The following LRRC4B variants were observed in gnomAD, a reference collection of about 807,000 sequenced individuals.
LRRC4B encodes leucine rich repeat containing 4B, also known as leucine-rich repeat-containing protein 4B.
Under a neutral mutation model 7.3 loss-of-function variants are expected in LRRC4B, and 1 was observed. That is an observed-to-expected ratio of 0.14 (90% confidence interval 0.05 to 0.65). LRRC4B has a LOEUF of 0.65. Ranked by LOEUF, LRRC4B falls within the 30% of genes least tolerant of loss-of-function variation. The pLI, the probability that LRRC4B is intolerant of heterozygous loss-of-function variation, is 0.84. For missense variants in LRRC4B, 730 were observed against 1,041.6 expected (o/e 0.70, Z 4.12); for synonymous variants, 500 against 499.2 (o/e 1.00, Z -0.02).
Position 50,543,335 on chromosome 19 carries a change from G to GGTGTGTGTGTGTGTGTGTGTGT in LRRC4B, c.297+5185_297+5206dup, listed in dbSNP as rs143123202. Among the ~76,000 whole-genome samples, 67 of 145,284 alleles carry GGTGTGTGTGTGTGTGTGTGTGT rather than the reference G, an allele frequency of 4.6e-4. 1 individual carries two copies. Among genetic ancestry groups the GGTGTGTGTGTGTGTGTGTGTGT allele is most frequent in the African/African-American group, 1.6e-3 (61 of 38,802 alleles). ...TACCAATGCTCCAGTGCCAGGCCCT[G>GGTGTGTGTGTGTGTGTGTGTGT]GTGTGTGTGTGTGTGTGTGTGTGTG... On this transcript the variant is annotated intron_variant, in intron 2 of 2. Transcript: ENST00000652263.
In LRRC4B at chr19:50,518,555, G is replaced by A. The variant is rs764599290; in HGVS notation, c.1158C>T (p.Arg386=). The change falls in exon 3 of 3, where the codon CGC becomes CGT. Residue 386 remains arginine (R), a synonymous_variant. Transcript: ENST00000652263. ...TGACGGAGGTCATGGAGGTGCCCGT[G>A]CGGCATTTGAGCTCGGCAGCCATGC... is the stretch of plus-strand genomic sequence containing the variant. ...TEGMAAELKC[R]TGTSMTSVNW... 1.3e-5 allele frequency: 21 copies of A among 1,588,790 alleles called. No individual in the cohort carries two copies. In the South Asian group the frequency reaches 2.4e-4, roughly 18 times the overall value.
At chr19:50,538,610 C>T (rs778954263) in intron 2 of LRRC4B, among the ~76,000 whole-genome samples, 67 of 126,494 alleles carry the variant, frequency 5.3e-4, no homozygotes, top group Non-Finnish European at 1.0e-3. Context: ...GCTCTGCCAC[C>T]TAGGCTGGAG....
chr19:50,523,767 G>A (rs1980683993), intron 2 of LRRC4B, among the ~76,000 whole-genome samples: 1 of 152,062 alleles, frequency 6.6e-6, no homozygotes, highest in African/African-American at 2.4e-5. Context: ...AGACCAGCTT[G>A]GCCAACATGG....
chr19:50,542,668 G>T lies in LRRC4B; in HGVS notation c.297+5874C>A, dbSNP rs368866203. 1.6e-4 allele frequency among the ~76,000 whole-genome samples: 24 copies of T among 151,916 alleles called. No individual in the cohort carries two copies. In the East Asian group the frequency reaches 4.5e-3, roughly 28 times the overall value. ...ATTTTGGTATTTTTAGTAGAGATGG[G>T]GTTTCACCATGTTGGCCAGGCTGGT... On this transcript the variant is annotated intron_variant, in intron 2 of 2. Coordinates refer to ENST00000652263, the MANE Select transcript of LRRC4B (RefSeq NM_001080457.2).
At chr19:50,561,265 A>G (rs1381764521) in intron 1 of LRRC4B, among the ~76,000 whole-genome samples, 1 of 151,830 alleles carries the variant, frequency 6.6e-6, no homozygotes, top group Admixed American at 6.6e-5. Flanking sequence ...CCATGGGATC[A>G]CATTTGGGGT....
At chr19:50,523,111 G>A (rs367597564) in intron 2 of LRRC4B, among the ~76,000 whole-genome samples, 118 of 152,288 alleles carry the variant, frequency 7.7e-4, no homozygotes, top group African/African-American at 2.6e-3. Context: ...TCCACGGGAG[G>A]GGCAGTGCTG....
intron 2 of LRRC4B, among the ~76,000 whole-genome samples, chr19:50,528,027 C>A (rs1980894606): frequency 6.6e-6 from 1 of 152,074 alleles, no homozygotes; most frequent in Non-Finnish European, 1.5e-5. Context: ...AGGCGTGAGC[C>A]ACCGTGCCTG....
intron 2 of LRRC4B, among the ~76,000 whole-genome samples, chr19:50,535,030 A>G (rs1259151542): frequency 3.3e-5 from 5 of 150,520 alleles, no homozygotes; most frequent in South Asian, 2.1e-4. Context: ...CACCACACCC[A>G]GCTAATTGTT....
intron 1 of LRRC4B, among the ~76,000 whole-genome samples, chr19:50,562,894 C>A (rs1982518050): frequency 6.6e-6 from 1 of 152,056 alleles, no homozygotes; most frequent in African/African-American, 2.4e-5. Context: ...ACTCACACCA[C>A]CACACCTGGC....
At position 50,550,468 on chromosome 19, in the gene LRRC4B, TCTCACGGTGGACTCTCAGGACC is replaced by T. The variant is rs1982007860; in HGVS notation, c.-35-1617_-35-1596del. Among the ~76,000 whole-genome samples, 5 of 92,196 alleles carry T rather than the reference TCTCACGGTGGACTCTCAGGACC, an allele frequency of 5.4e-5. No individual in the cohort carries two copies. The Admixed American group carries it at 6.4e-4, about 12-fold the overall frequency. The allele number at this position is 92,196 out of a possible 152,430, so 60.5% of individuals were successfully genotyped here. Reference sequence around the variant, plus strand: ...TCACGGTGGACTCTCAGGACCCCCCTCTCACGGTGGACTCTCAGGACCCCCGACACAGGCTCACCCCCAGGCA... The same window carrying T: ...TCACGGTGGACTCTCAGGACCCCCCTCCCGACACAGGCTCACCCCCAGGCA... On this transcript the variant is annotated intron_variant, in intron 1 of 2. Coordinates refer to ENST00000652263, the MANE Select transcript of LRRC4B (RefSeq NM_001080457.2).
chr19:50,555,413 A>C lies in LRRC4B; in HGVS notation c.-35-6540T>G, dbSNP rs988798555. ...CCTCACCTGGTGCAAGGAACAAGCC[A>C]GAGGTGCAGACACAGAAGGACCCCA... On this transcript the variant is annotated intron_variant, in intron 1 of 2. Transcript: ENST00000652263. This position sits in a 1 kb window ranked among gnomAD's most constrained non-coding sequence, Gnocchi z 5.2. 1.3e-5 allele frequency: 2 copies of C among 152,866 alleles called. No individual in the cohort carries two copies. The highest frequency in any genetic ancestry group is 2.9e-5 in the Non-Finnish European group (2 of 68,518). 9.5% of individuals were successfully genotyped at this position (152,866 alleles called of 1,614,324 possible).
chr19:50,560,558 TCTC>T (rs1448339918), intron 1 of LRRC4B, among the ~76,000 whole-genome samples: 3 of 152,196 alleles, frequency 2.0e-5, no homozygotes, highest in African/African-American at 7.2e-5. Context: ...AGATCCTCCT[TCTC>T]CTCGTCTACC....
chr19:50,535,297 T>C (rs935098319), intron 2 of LRRC4B, among the ~76,000 whole-genome samples: 3 of 152,192 alleles, frequency 2.0e-5, no homozygotes, highest in African/African-American at 7.2e-5. Context: ...CTTAGCCTCC[T>C]GAGTAGCTGG....
chr19:50,520,057 T>A (rs975568814), intron 2 of LRRC4B, among the ~76,000 whole-genome samples: 4 of 149,312 alleles, frequency 2.7e-5, no homozygotes, highest in African/African-American at 9.9e-5. Context: ...ATAAAATAAA[T>A]TAGCCAGGCG....
rs1160724192 is a variant in LRRC4B at position 50,548,214 on chromosome 19, G to A, written c.297+328C>T. Among the ~76,000 whole-genome samples the A allele has an allele frequency of 6.6e-6, 1 of 152,192 alleles. No homozygotes were observed. The highest frequency in any genetic ancestry group is 1.5e-5 in the Non-Finnish European group (1 of 68,014). Reference sequence around the variant, plus strand: ...AGATGCCACAGGGGTCCCTGTGAAAGGGTTGCTCTCCACACCCCAGGGACT... The same window carrying A: ...AGATGCCACAGGGGTCCCTGTGAAAAGGTTGCTCTCCACACCCCAGGGACT... On this transcript the variant is annotated intron_variant, in intron 2 of 2. Coordinates refer to ENST00000652263, the MANE Select transcript of LRRC4B (RefSeq NM_001080457.2). The surrounding 1 kb of genome is among the most constrained non-coding windows in gnomAD (Gnocchi z 6.8).
intron 2 of LRRC4B, among the ~76,000 whole-genome samples, chr19:50,539,129 T>C (rs994212232): frequency 2.0e-5 from 3 of 152,040 alleles, no homozygotes; most frequent in African/African-American, 4.8e-5. Flanking sequence ...CCACCTGCCT[T>C]GGCTTCCCAA....
intron 1 of LRRC4B, among the ~76,000 whole-genome samples, chr19:50,549,135 T>C (rs1981946084): frequency 6.6e-6 from 1 of 152,096 alleles, no homozygotes; most frequent in Admixed American, 6.5e-5. Flanking sequence ...CAGGGAAAAC[T>C]GAGGCTGGGG....
intron 2 of LRRC4B, among the ~76,000 whole-genome samples, chr19:50,527,751 T>C (rs1980881786): frequency 1.9e-5 from 2 of 103,994 alleles, no homozygotes; most frequent in Admixed American, 2.4e-4. Context: ...TTTTCTTTTT[T>C]TCTTTTTTTT....
rs533393168 is a variant in LRRC4B, at chr19:50,563,173, C to T, written c.-36+4771G>A. Among the ~76,000 whole-genome samples the T allele has an allele frequency of 2.9e-4, 44 of 152,306 alleles. No individual in the cohort carries two copies. In the South Asian group the frequency reaches 8.7e-3, roughly 30 times the overall value. ...CCTGCCTCCCGCAGTGAGCCCCCATCAGCCCCTCTCGTGGGTCTCCAAGGC... is the reference window on the plus strand; with the variant it reads ...CCTGCCTCCCGCAGTGAGCCCCCATTAGCCCCTCTCGTGGGTCTCCAAGGC... On this transcript the variant is annotated intron_variant, in intron 1 of 2. Coordinates refer to ENST00000652263, the MANE Select transcript of LRRC4B (RefSeq NM_001080457.2). This position sits in a 1 kb window ranked among gnomAD's most constrained non-coding sequence, Gnocchi z 4.9.
Sources: allele counts gnomAD v4.1 joint callset (sites outside exome capture counted in the v4.1 genomes callset), GRCh38; gene constraint gnomAD v4.1.1; non-coding constraint Gnocchi (gnomAD v3.1); transcripts MANE v1.5; gene names NCBI Gene and HGNC (gene_info 2026-07-23, HGNC 2026-07-21).